ZFP90: variants seen among roughly 807,000 people sequenced by gnomAD.
The protein encoded by ZFP90 is zinc finger protein 90 homolog.
ZFP90 carries 38 observed loss-of-function variants against 60.8 expected under a neutral mutation model. The ratio of observed to expected loss-of-function variants is 0.62; its 90% confidence interval spans 0.48 to 0.82. The LOEUF is 0.82. Among genes scored for constraint, ZFP90 ranks in the 40% least tolerant of loss-of-function variants. ZFP90 has a pLI of 0.00. For missense variants in ZFP90, 711 were observed against 759.1 expected (o/e 0.94, Z 0.74); for synonymous variants, 287 against 264.8 (o/e 1.08, Z -0.82).
chr16:68,553,490 CAG>C (rs1272021176), intron 2 of ZFP90, among the ~76,000 whole-genome samples: 2 of 152,132 alleles, frequency 1.3e-5, no homozygotes, highest in Admixed American at 1.3e-4. Flanking sequence ...GAGGTGAAGT[CAG>C]GGAGCTAGCT....
chr16:68,556,495 A>G (rs1259957424), intron 2 of ZFP90, among the ~76,000 whole-genome samples: 1 of 152,248 alleles, frequency 6.6e-6, no homozygotes, highest in Non-Finnish European at 1.5e-5. Flanking sequence ...TACTGGAAAT[A>G]ATCACAGTAC....
chr16:68,560,536 AT>A (rs370937147), intron 4 of ZFP90, among the ~76,000 whole-genome samples: 169 of 93,494 alleles, frequency 1.8e-3, no homozygotes, highest in South Asian at 4.9e-3. Flanking sequence ...ACCACACTGG[AT>A]TTTATTTATT....
chr16:68,562,999 C>A (rs1334039290), intron 4 of ZFP90, 45 bp from the exon 5 acceptor site: 1 of 1,608,966 alleles, frequency 6.2e-7, no homozygotes, highest in Non-Finnish European at 8.5e-7. Flanking sequence ...CAGTGTATTT[C>A]AACAGGAAGG....
At chr16:68,560,096 C>G (rs2091414358) in intron 4 of ZFP90, among the ~76,000 whole-genome samples, 1 of 152,118 alleles carries the variant, frequency 6.6e-6, no homozygotes, top group South Asian at 2.1e-4. Flanking sequence ...TTTTATAAAT[C>G]AAATGGATTT....
chr16:68,549,678 CAAA>C (rs35335958), intron 2 of ZFP90, among the ~76,000 whole-genome samples: 3 of 62,932 alleles, frequency 4.8e-5, no homozygotes, highest in Admixed American at 2.4e-4. Flanking sequence ...GACTCCATCT[CAAA>C]AAAAAAAAAA....
Position 68,564,100 on chromosome 16 carries a change from C to G in ZFP90, c.1313C>G (p.Thr438Ser), listed in dbSNP as rs1436489591. ...SIDFKHSTSL[T>S]QDESTLTEVK... Reference sequence around the variant, plus strand: ...GATTTCAAGCACAGCACATCTCTCACTCAAGATGAAAGCACTCTTACCGAA... The same window carrying G: ...GATTTCAAGCACAGCACATCTCTCAGTCAAGATGAAAGCACTCTTACCGAA... The change falls in exon 5 of 5, where the codon ACT becomes AGT. Residue 438 changes from threonine to serine, a missense_variant. Coordinates refer to ENST00000563169, the MANE Select transcript of ZFP90 (RefSeq NM_001305203.2). The G allele has an allele frequency of 6.2e-7, 1 of 1,614,162 alleles. No homozygotes were observed. The highest frequency in any genetic ancestry group is 1.1e-5 in the South Asian group (1 of 91,084).
chr16:68,534,957 T>C (rs968986965), upstream of ZFP90, among the ~76,000 whole-genome samples: 30 of 152,188 alleles, frequency 2.0e-4, no homozygotes, highest in African/African-American at 7.0e-4. Flanking sequence ...TTAGACATCA[T>C]AAATTTTGTG....
chr16:68,542,919 T>A (rs1406173557), intron 2 of ZFP90, among the ~76,000 whole-genome samples: 3 of 152,118 alleles, frequency 2.0e-5, no homozygotes, highest in Non-Finnish European at 2.9e-5. Context: ...GCTTACATTC[T>A]AGAGAGGACA....
At chr16:68,569,480 C>T (rs922500391), downstream of ZFP90, among the ~76,000 whole-genome samples, 3 of 152,162 alleles carry the variant, frequency 2.0e-5, no homozygotes, top group African/African-American at 7.2e-5. Context: ...CATTTGTTTT[C>T]CTATCCAGTC....
rs370245671 is a variant in ZFP90 at position 68,563,714 on chromosome 16, C to G, written c.927C>G (p.Pro309=). The stretch of plus-strand genomic sequence containing the variant: ...AGAATGCTCATACCGGAGAGAAACC[C>G]TATCAGTGTAGTCTCTGTGGGAAAG... The part of the protein sequence containing the change: ...QHENAHTGEK[P]YQCSLCGKAF... The change falls in exon 5 of 5, where the codon CCC becomes CCG. Residue 309 remains proline (P), a synonymous_variant. Transcript: ENST00000563169. The G allele has an allele frequency of 1.2e-6, 2 of 1,614,034 alleles. No homozygotes were observed. The highest frequency in any genetic ancestry group is 1.1e-5 in the South Asian group (1 of 91,088).
intron 2 of ZFP90, among the ~76,000 whole-genome samples, chr16:68,553,411 G>C (rs1168657326): frequency 6.6e-6 from 1 of 152,092 alleles, no homozygotes; most frequent in Non-Finnish European, 1.5e-5. Context: ...AGTAGGTTTA[G>C]TGTCTTCCAG....
rs567497364 is a variant in ZFP90 at position 68,567,004 on chromosome 16, C to T, written c.*2306C>T. 4 of 985,576 alleles carry T rather than the reference C, an allele frequency of 4.1e-6. No individual in the cohort carries two copies. Among genetic ancestry groups the T allele is most frequent in the Non-Finnish European group, 4.8e-6 (4 of 829,946 alleles). 61.1% of individuals were successfully genotyped at this position (985,576 alleles called of 1,614,324 possible). Reference sequence around the variant, plus strand: ...CCAGGACATATGTGTGGCTCATTGACCAGAAGGCTTTCTTAGTCCCAACAG... The same window carrying T: ...CCAGGACATATGTGTGGCTCATTGATCAGAAGGCTTTCTTAGTCCCAACAG... On this transcript the variant is annotated 3_prime_UTR_variant, in exon 5 of 5. Coordinates refer to ENST00000563169, the MANE Select transcript of ZFP90 (RefSeq NM_001305203.2).
At position 68,567,069 on chromosome 16, in the gene ZFP90, C is replaced by G. The variant is rs1362538744; in HGVS notation, c.*2371C>G. ...CTTATGGATACCCAGCCTTTTAGGGCTACGTGAAATGCATCCTTGTAACAT... is the reference window on the plus strand; with the variant it reads ...CTTATGGATACCCAGCCTTTTAGGGGTACGTGAAATGCATCCTTGTAACAT... On this transcript the variant is annotated 3_prime_UTR_variant, in exon 5 of 5. Coordinates refer to ENST00000563169, the MANE Select transcript of ZFP90 (RefSeq NM_001305203.2). 1 of 985,434 alleles carries G rather than the reference C, an allele frequency of 1.0e-6. No homozygotes were observed. The highest frequency in any genetic ancestry group is 1.1e-4 in the East Asian group (1 of 8,970). The allele number at this position is 985,434 out of a possible 1,614,324, so 61.0% of individuals were successfully genotyped here.
rs1029939814 is a variant in ZFP90, at chr16:68,564,702, C to G, written c.*4C>G. 6.3e-7 allele frequency: 1 copy of G among 1,585,984 alleles called. No individual in the cohort carries two copies. The highest frequency in any genetic ancestry group is 1.7e-4 in the Middle Eastern group (1 of 5,918). The stretch of plus-strand genomic sequence containing the variant: ...TCATACTCGAAATAAACTCTAGGAA[C>G]CGTGAAATTAAGGAATTTGCAGAAT... On this transcript the variant is annotated 3_prime_UTR_variant, in exon 5 of 5. Coordinates refer to ENST00000563169, the MANE Select transcript of ZFP90 (RefSeq NM_001305203.2).
upstream of ZFP90, among the ~76,000 whole-genome samples, chr16:68,537,784 T>C (rs544734486): frequency 6.6e-6 from 1 of 152,284 alleles, no homozygotes; most frequent in Admixed American, 6.5e-5. Context: ...CAAGCTGGTC[T>C]TTTAATTCCT....
At chr16:68,558,726 G>A (rs2091388076) in intron 4 of ZFP90, among the ~76,000 whole-genome samples, 158 bp downstream of exon 4, 1 of 152,144 alleles carries the variant, frequency 6.6e-6, no homozygotes, top group African/African-American at 2.4e-5. Flanking sequence ...CTCTTCAAAA[G>A]GGTGCTCATG....
chr16:68,548,375 G>C (rs1405754423), intron 2 of ZFP90, among the ~76,000 whole-genome samples: 1 of 147,208 alleles, frequency 6.8e-6, no homozygotes, highest in Non-Finnish European at 1.5e-5. Context: ...CTGCTTTTTT[G>C]TGTAAACATT....
At chr16:68,560,223 C>G (rs902215491) in intron 4 of ZFP90, among the ~76,000 whole-genome samples, 2 of 152,180 alleles carry the variant, frequency 1.3e-5, no homozygotes, top group African/African-American at 2.4e-5. Context: ...GCAACACTAT[C>G]TAATTTCAGA....
chr16:68,565,499 A>G lies in ZFP90; in HGVS notation c.*801A>G, dbSNP rs765451155. Reference sequence around the variant, plus strand: ...ACTTCTTGGAGGCTTACAAACCACAATTTAACAGAAACTGTAGATGGTTGA... The same window carrying G: ...ACTTCTTGGAGGCTTACAAACCACAGTTTAACAGAAACTGTAGATGGTTGA... On this transcript the variant is annotated 3_prime_UTR_variant, in exon 5 of 5. Coordinates refer to ENST00000563169, the MANE Select transcript of ZFP90 (RefSeq NM_001305203.2). 1.5e-5 allele frequency: 15 copies of G among 985,444 alleles called. No homozygotes were observed. Among genetic ancestry groups the G allele is most frequent in the Non-Finnish European group, 1.8e-5 (15 of 829,922 alleles). 61.0% of individuals were successfully genotyped at this position (985,444 alleles called of 1,614,324 possible).
Sources: gnomAD v4.1 joint callset for allele counts (sites outside exome capture counted in the v4.1 genomes callset) on GRCh38, gnomAD v4.1.1 for gene constraint, MANE v1.5 for transcripts, NCBI Gene and HGNC (gene_info 2026-07-23, HGNC 2026-07-21) for gene names.